CDH18: variants seen among roughly 807,000 people sequenced by gnomAD.
CDH18 encodes cadherin-18.
CDH18 carries 31 observed loss-of-function variants against 67.9 expected under a neutral mutation model. That is an observed-to-expected ratio of 0.46 (90% CI 0.34 to 0.62). The LOEUF is 0.62. CDH18 is among the 20% of genes least tolerant of loss of function. The probability of loss-of-function intolerance (pLI) is 0.01; values close to 1 mark genes in which losing one functional copy is unlikely to be tolerated. For missense variants in CDH18, 890 were observed against 975.5 expected (o/e 0.91, Z 1.17); for synonymous variants, 362 against 347.2 (o/e 1.04, Z -0.48).
chr5:19,687,432 C>T (rs1446768239), intron 5 of CDH18, among the ~76,000 whole-genome samples: 1 of 152,148 alleles, frequency 6.6e-6, no homozygotes, highest in Non-Finnish European at 1.5e-5. Flanking sequence ...GGCATGACAT[C>T]AGTTACACCC....
chr5:20,036,374 C>A (rs1739862427), intron 2 of CDH18, among the ~76,000 whole-genome samples: 1 of 151,490 alleles, frequency 6.6e-6, no homozygotes, highest in African/African-American at 2.4e-5. Context: ...ATAATACATC[C>A]TAAATAAATT....
At chr5:19,989,793 C>T (rs1799879145), upstream of CDH18, among the ~76,000 whole-genome samples, 1 of 152,032 alleles carries the variant, frequency 6.6e-6, no homozygotes, top group South Asian at 2.1e-4. Context: ...TTCGGAAAGA[C>T]TAAACAAACC....
intron 3 of CDH18, among the ~76,000 whole-genome samples, chr5:19,829,427 C>A (rs1356497697): frequency 2.0e-5 from 3 of 152,008 alleles, no homozygotes; most frequent in Non-Finnish European, 4.4e-5. Flanking sequence ...AACATCCAAG[C>A]TAAGAGCCAA....
At chr5:20,543,786 G>A (rs78902752) in intron 1 of CDH18, among the ~76,000 whole-genome samples, 4,652 of 152,124 alleles carry the variant, frequency 0.031, 125 homozygotes, top group Non-Finnish European at 0.047. Context: ...TCAGCTCATT[G>A]CGTATAGGTC....
At chr5:19,854,220 C>T (rs888002482) in intron 2 of CDH18, among the ~76,000 whole-genome samples, 1 of 152,066 alleles carries the variant, frequency 6.6e-6, no homozygotes, top group Non-Finnish European at 1.5e-5. Context: ...CATTCCATTT[C>T]TCACTCAACA....
At chr5:19,505,529 C>G (rs1305031030) in intron 10 of CDH18, among the ~76,000 whole-genome samples, 6 of 151,994 alleles carry the variant, frequency 3.9e-5, no homozygotes, top group African/African-American at 1.2e-4. Context: ...TAGCATGAAG[C>G]ATTGTTGAAT....
intron 1 of CDH18, among the ~76,000 whole-genome samples, chr5:20,440,283 T>C (rs1043100884): frequency 3.3e-5 from 5 of 151,872 alleles, no homozygotes; most frequent in African/African-American, 7.3e-5. Context: ...TAATTTGTTA[T>C]AATCTTTAAT....
intron 1 of CDH18, among the ~76,000 whole-genome samples, chr5:20,561,019 A>T (rs1437312786): frequency 6.6e-6 from 1 of 152,132 alleles, no homozygotes; most frequent in Non-Finnish European, 1.5e-5. Context: ...GTTCCATATC[A>T]TATATCATTA....
At chr5:20,002,232 AT>A (rs1736506032) in intron 2 of CDH18, among the ~76,000 whole-genome samples, 1 of 152,230 alleles carries the variant, frequency 6.6e-6, no homozygotes, top group African/African-American at 2.4e-5. Context: ...CATTGGCCCC[AT>A]TTAATTAACC....
chr5:20,306,593 TTAAA>T (rs1441242727), intron 1 of CDH18, among the ~76,000 whole-genome samples: 1 of 152,202 alleles, frequency 6.6e-6, no homozygotes, highest in African/African-American at 2.4e-5. Context: ...AAATTGAAAT[TTAAA>T]TAAGCATTTT....
At chr5:20,008,762 A>G (rs144792051) in intron 2 of CDH18, among the ~76,000 whole-genome samples, 1 of 152,270 alleles carries the variant, frequency 6.6e-6, no homozygotes, top group Non-Finnish European at 1.5e-5. Flanking sequence ...CAATAAAACT[A>G]TACAAACATT....
chr5:20,389,693 C>T (rs1333216744), intron 1 of CDH18, among the ~76,000 whole-genome samples: 6 of 152,020 alleles, frequency 3.9e-5, no homozygotes, highest in Admixed American at 6.6e-5. Context: ...AATCCTAAGC[C>T]AAAAGAACAA....
intron 2 of CDH18, among the ~76,000 whole-genome samples, chr5:19,946,543 A>T (rs2150248385): frequency 6.6e-6 from 1 of 152,284 alleles, no homozygotes; most frequent in African/African-American, 2.4e-5. Flanking sequence ...AAAATACTTG[A>T]GAATATTATA....
chr5:20,058,843 A>G (rs1742219650), intron 2 of CDH18, among the ~76,000 whole-genome samples: 1 of 152,156 alleles, frequency 6.6e-6, no homozygotes, highest in African/African-American at 2.4e-5. Flanking sequence ...ACCCTAGATG[A>G]CAGTTGCAGT....
intron 4 of CDH18, among the ~76,000 whole-genome samples, chr5:19,735,946 G>T (rs1482581236): frequency 6.6e-6 from 1 of 152,114 alleles, no homozygotes; most frequent in East Asian, 1.9e-4. Flanking sequence ...TTATGTAAAA[G>T]ATTATTTTTT....
chr5:19,608,815 A>G (rs1337745579), intron 6 of CDH18, among the ~76,000 whole-genome samples: 2 of 151,730 alleles, frequency 1.3e-5, no homozygotes, highest in Non-Finnish European at 2.9e-5. Flanking sequence ...AGTTGGTGCA[A>G]TGTAATATTG....
chr5:19,746,431 A>T (rs1465440077), intron 4 of CDH18, among the ~76,000 whole-genome samples: 3 of 152,240 alleles, frequency 2.0e-5, no homozygotes, highest in African/African-American at 7.2e-5. Flanking sequence ...TTTTAAATAA[A>T]TAAGGTATAT....
chr5:19,899,571 C>G (rs1244911845), intron 2 of CDH18, among the ~76,000 whole-genome samples: 1 of 152,082 alleles, frequency 6.6e-6, no homozygotes, highest in Non-Finnish European at 1.5e-5. Flanking sequence ...ATTAATAACA[C>G]AATTACCATA....
intron 5 of CDH18, among the ~76,000 whole-genome samples, chr5:19,643,861 G>T (rs1580668678): frequency 6.6e-6 from 1 of 152,072 alleles, no homozygotes. Context: ...AACACAAAAG[G>T]TAACTTTCAC....
Sources: allele counts gnomAD v4.1 joint callset (sites outside exome capture counted in the v4.1 genomes callset), GRCh38; gene constraint gnomAD v4.1.1; transcripts MANE v1.5; gene names NCBI Gene and HGNC (gene_info 2026-07-23, HGNC 2026-07-21).